CASQ2: variants seen among roughly 807,000 people sequenced by gnomAD.
The protein encoded by CASQ2 is calsequestrin-2.
CASQ2 carries 49 observed loss-of-function variants against 46.5 expected under a neutral mutation model. That is an observed-to-expected ratio of 1.05 (90% CI 0.84 to 1.34). The LOEUF is 1.34. Ranked by LOEUF, CASQ2 falls within the 40% of genes most tolerant of loss-of-function variation. The pLI is 0.00. For missense variants in CASQ2, 486 were observed against 481.3 expected (o/e 1.01, Z -0.09); for synonymous variants, 174 against 168.5 (o/e 1.03, Z -0.25).
At chr1:115,734,910 C>T (rs560597766) in intron 4 of CASQ2, among the ~76,000 whole-genome samples, 82 of 152,252 alleles carry the variant, frequency 5.4e-4, no homozygotes, top group African/African-American at 1.9e-3. Flanking sequence ...GGGGATGAAA[C>T]ATTCAAAGAA....
intron 7 of CASQ2, 90 bp downstream of exon 7, chr1:115,725,418 G>T: frequency 1.4e-6 from 2 of 1,428,426 alleles, no homozygotes; most frequent in Non-Finnish European, 2.0e-6. Flanking sequence ...AAATAAACTT[G>T]GTTTGAGTTT....
In CASQ2 at chr1:115,751,572, T is replaced by G. The variant is rs1648583946; in HGVS notation, c.235-6660A>C. ...CTGTAGTCCCAGCTACTCGGGAGAC[T>G]GAGGTAGGAGAATGGCGTGAGCCCT... is the stretch of plus-strand genomic sequence containing the variant. On this transcript the variant is annotated intron_variant, in intron 1 of 10. Transcript: ENST00000261448. Among the ~76,000 whole-genome samples the G allele has an allele frequency of 3.3e-5, 5 of 151,878 alleles. No homozygotes were observed. In the South Asian group the frequency reaches 1.0e-3, roughly 32 times the overall value.
Position 115,700,831 on chromosome 1 carries a change from C to T in CASQ2, c.*410G>A. 1.9e-6 allele frequency: 1 copy of T among 537,848 alleles called. No individual in the cohort carries two copies. Among genetic ancestry groups the T allele is most frequent in the Non-Finnish European group, 3.2e-6 (1 of 308,246 alleles). The allele number at this position is 537,848 out of a possible 1,614,324, so 33.3% of individuals were successfully genotyped here. On this transcript the variant is annotated 3_prime_UTR_variant, in exon 11 of 11. Coordinates refer to ENST00000261448, the MANE Select transcript of CASQ2 (RefSeq NM_001232.4). ...ATTAATCATGTGTCTTCCCTGGGCT[C>T]TGATTAAAAGGTCACTCTATGCCTG...
intron 8 of CASQ2, among the ~76,000 whole-genome samples, chr1:115,705,842 A>T (rs1482541555): frequency 1.6e-5 from 2 of 125,914 alleles, no homozygotes; most frequent in Non-Finnish European, 3.3e-5. Context: ...ATTTCCTTGT[A>T]TACTGGGCCC....
intron 8 of CASQ2, among the ~76,000 whole-genome samples, chr1:115,710,413 G>T (rs992677623): frequency 6.6e-6 from 1 of 152,180 alleles, no homozygotes; most frequent in Non-Finnish European, 1.5e-5. Flanking sequence ...AAGTCTGCAC[G>T]TCTGGAGCCA....
chr1:115,734,444 A>G (rs571372630), intron 4 of CASQ2, among the ~76,000 whole-genome samples: 2 of 152,310 alleles, frequency 1.3e-5, no homozygotes, highest in East Asian at 1.9e-4. Flanking sequence ...GCTGGTCTAC[A>G]TCACTTTAAG....
intron 1 of CASQ2, among the ~76,000 whole-genome samples, chr1:115,763,101 CT>C (rs762200153): frequency 3.9e-5 from 6 of 152,168 alleles, no homozygotes; most frequent in Non-Finnish European, 8.8e-5. Context: ...TTTGCTTCCC[CT>C]ATTACGAAGT....
intron 8 of CASQ2, among the ~76,000 whole-genome samples, chr1:115,715,456 C>A (rs553609855): frequency 6.6e-6 from 1 of 152,146 alleles, no homozygotes; most frequent in South Asian, 2.1e-4. Flanking sequence ...ATGCCACACA[C>A]AAAAGGCTAC....
At chr1:115,714,446 T>C (rs947078768) in intron 8 of CASQ2, among the ~76,000 whole-genome samples, 1 of 152,146 alleles carries the variant, frequency 6.6e-6, no homozygotes, top group Non-Finnish European at 1.5e-5. Context: ...CTAAATAAGG[T>C]CATCTACATA....
chr1:115,700,740 A>G lies in CASQ2; in HGVS notation c.*501T>C, dbSNP rs766919745. The G allele has an allele frequency of 7.5e-6, 3 of 399,914 alleles. No homozygotes were observed. Among genetic ancestry groups the G allele is most frequent in the African/African-American group, 2.0e-5 (1 of 49,326 alleles). The allele number at this position is 399,914 out of a possible 1,614,324, so 24.8% of individuals were successfully genotyped here. On this transcript the variant is annotated 3_prime_UTR_variant, in exon 11 of 11. Transcript: ENST00000261448. The stretch of plus-strand genomic sequence containing the variant: ...TTGCTTCCAAGGCTGAGCCTTCTCT[A>G]AGAAGGATCATCTTGGCTGGAGGAG...
chr1:115,705,233 C>T lies in CASQ2; in HGVS notation c.898G>A (p.Asp300Asn), dbSNP rs376147306. The T allele has an allele frequency of 2.2e-5, 36 of 1,614,040 alleles. No individual in the cohort carries two copies. The African/African-American group carries it at 2.9e-4, about 13-fold the overall frequency. Residue 300 changes from aspartate (D) to asparagine (N), a missense_variant, in exon 9 of 11, where the codon GAT (aspartate) becomes AAT (asparagine). Transcript: ENST00000261448. ...GGGTCGATCCACAGGATGCTCAGAT[C>T]GGGGTTGTCAGTATTGTCCCGGGCA... ...QVARDNTDNP[D>N]LSILWIDPDD... is the part of the protein sequence containing the mutation.
At chr1:115,728,169 C>T (rs1647659020) in intron 5 of CASQ2, among the ~76,000 whole-genome samples, 1 of 152,130 alleles carries the variant, frequency 6.6e-6, no homozygotes, top group Non-Finnish European at 1.5e-5. Flanking sequence ...CTGCAACTAA[C>T]TGGGGAAGGG....
At chr1:115,712,509 G>T (rs534932860) in intron 8 of CASQ2, among the ~76,000 whole-genome samples, 1 of 152,058 alleles carries the variant, frequency 6.6e-6, no homozygotes, top group Admixed American at 6.5e-5. Context: ...TAACTTCTTC[G>T]TCCCTGTACT....
intron 2 of CASQ2, among the ~76,000 whole-genome samples, chr1:115,742,439 G>T (rs967230487): frequency 2.0e-5 from 3 of 152,030 alleles, no homozygotes; most frequent in African/African-American, 7.2e-5. Context: ...AAGGCAAATG[G>T]AAAAGAAATG....
At position 115,717,923 on chromosome 1, in the gene CASQ2, C is replaced by T. The variant is rs3811001; in HGVS notation, c.784-29G>A. 348,762 of 1,500,730 alleles carry T rather than the reference C, an allele frequency of 0.23. 41,407 individuals carry two copies. The highest frequency in any genetic ancestry group is 0.27 in the Admixed American group (16,073 of 59,874). The allele number at this position is 1,500,730 out of a possible 1,614,324, so 93.0% of individuals were successfully genotyped here. On this transcript the variant is annotated intron_variant, in intron 7 of 10. Coordinates refer to ENST00000261448, the MANE Select transcript of CASQ2 (RefSeq NM_001232.4). Reference sequence around the variant, plus strand: ...TATGAGAAAAGTAACAAAAGTTACACTTCCAGCTGGAGGGATGCAAAGGAC... The same window carrying T: ...TATGAGAAAAGTAACAAAAGTTACATTTCCAGCTGGAGGGATGCAAAGGAC...
intron 5 of CASQ2, among the ~76,000 whole-genome samples, chr1:115,729,583 T>G (rs988702841): frequency 6.6e-6 from 1 of 152,232 alleles, no homozygotes; most frequent in Non-Finnish European, 1.5e-5. Context: ...TGCTTTTATC[T>G]GTTAACTAGT....
chr1:115,737,022 C>A (rs150464587), intron 4 of CASQ2, among the ~76,000 whole-genome samples: 139 of 152,254 alleles, frequency 9.1e-4, no homozygotes, highest in Non-Finnish European at 1.8e-3. Flanking sequence ...TCCCTCTTAT[C>A]TGCCATCCTG....
At chr1:115,749,300 C>T (rs1648493873) in intron 1 of CASQ2, among the ~76,000 whole-genome samples, 1 of 152,182 alleles carries the variant, frequency 6.6e-6, no homozygotes, top group South Asian at 2.1e-4. Flanking sequence ...CAAATGTGTG[C>T]CTCTCGTAGG....
intron 1 of CASQ2, among the ~76,000 whole-genome samples, chr1:115,758,533 C>A (rs1203982296): frequency 1.3e-5 from 2 of 152,194 alleles, no homozygotes; most frequent in Admixed American, 6.5e-5. Context: ...CCAAATCTTA[C>A]ATTAAAATTT....
Sources: allele counts gnomAD v4.1 joint callset (sites outside exome capture counted in the v4.1 genomes callset), GRCh38; gene constraint gnomAD v4.1.1; transcripts MANE v1.5; gene names NCBI Gene and HGNC (gene_info 2026-07-23, HGNC 2026-07-21).